The following CCDC88A variants were observed in gnomAD, a reference collection of about 807,000 sequenced individuals.
The protein encoded by CCDC88A is coiled-coil and HOOK domain protein 88A.
In CCDC88A, 54 loss-of-function variants were observed where a neutral mutation model predicts 234.3. That is an observed-to-expected ratio of 0.23 (90% confidence interval 0.19 to 0.29). The LOEUF is 0.29. Ranked by LOEUF, CCDC88A falls within the 10% of genes least tolerant of loss-of-function variation. The probability of loss-of-function intolerance (pLI) is 1.00; values close to 1 mark genes in which losing one functional copy is unlikely to be tolerated. For missense variants in CCDC88A, 1,832 were observed against 2,123.4 expected (o/e 0.86, Z 2.70); for synonymous variants, 753 against 737.8 (o/e 1.02, Z -0.33).
chr2:55,300,459 A>G (rs1680755707), intron 28 of CCDC88A: 2 of 152,526 alleles, frequency 1.3e-5, no homozygotes, highest in African/African-American at 4.8e-5. Flanking sequence ...GTTTGGTGAG[A>G]TATGATTTTC....
rs1679395817 is a variant in CCDC88A at position 55,290,883 on chromosome 2, C to G, written c.*317G>C. ...TGGAGTACTTCTTTAAACACTTAACCTTAAAACACCTGGTCCTTAGTGAGA... is the reference window on the plus strand; with the variant it reads ...TGGAGTACTTCTTTAAACACTTAACGTTAAAACACCTGGTCCTTAGTGAGA... On this transcript the variant is annotated 3_prime_UTR_variant, in exon 33 of 33. Transcript: ENST00000436346. 1 of 152,430 alleles carries G rather than the reference C, an allele frequency of 6.6e-6. No homozygotes were observed. Among genetic ancestry groups the G allele is most frequent in the Non-Finnish European group, 1.5e-5 (1 of 67,932 alleles). 9.4% of individuals were successfully genotyped at this position (152,430 alleles called of 1,614,324 possible). A position where few individuals can be genotyped will look rare whatever the true frequency, so the allele number is the denominator to read the frequency against.
At chr2:55,306,689 G>A (rs186054667) in intron 25 of CCDC88A, among the ~76,000 whole-genome samples, 4 of 152,088 alleles carry the variant, frequency 2.6e-5, no homozygotes, top group African/African-American at 4.8e-5. Flanking sequence ...AGGTTCAAGC[G>A]ATTCTCCTGC....
At chr2:55,291,921 A>G (rs1420443988) in intron 31 of CCDC88A, 146 bp from the exon 32 acceptor site, 8 of 508,098 alleles carry the variant, frequency 1.6e-5, no homozygotes, top group South Asian at 9.2e-5. Context: ...AGGCATCTCA[A>G]TACTTAAAGA....
chr2:55,319,311 G>C (rs1322705583), intron 18 of CCDC88A, among the ~76,000 whole-genome samples: 1 of 152,034 alleles, frequency 6.6e-6, no homozygotes, highest in Non-Finnish European at 1.5e-5. Context: ...AACTAGAAAG[G>C]AATTGTCAGT....
chr2:55,387,769 G>C (rs1574412465), intron 3 of CCDC88A, among the ~76,000 whole-genome samples: 1 of 125,492 alleles, frequency 8.0e-6, no homozygotes, highest in African/African-American at 3.2e-5. Context: ...GTGACAGTGA[G>C]GCTCCATCTC....
At chr2:55,381,552 CA>C (rs5831359) in intron 3 of CCDC88A, among the ~76,000 whole-genome samples, 4,051 of 93,158 alleles carry the variant, frequency 0.043, 45 homozygotes, top group South Asian at 0.076. Flanking sequence ...GACCCTGTCT[CA>C]AAAAAAAAAA....
chr2:55,393,587 C>T (rs2104912357), intron 2 of CCDC88A, among the ~76,000 whole-genome samples: 1 of 152,098 alleles, frequency 6.6e-6, no homozygotes, highest in Admixed American at 6.5e-5. Context: ...AGCCACGATG[C>T]CCAGCCAAAA....
intron 7 of CCDC88A, among the ~76,000 whole-genome samples, chr2:55,360,951 T>C (rs964925163): frequency 6.6e-6 from 1 of 152,142 alleles, no homozygotes; most frequent in Non-Finnish European, 1.5e-5. Flanking sequence ...TAGCCATGCG[T>C]GGTGGCGCGT....
At chr2:55,351,115 C>T (rs1444253262) in intron 8 of CCDC88A, among the ~76,000 whole-genome samples, 4 of 151,834 alleles carry the variant, frequency 2.6e-5, no homozygotes, top group Non-Finnish European at 5.9e-5. Flanking sequence ...TTTTTCTTTT[C>T]TTTTTTAAGA....
At chr2:55,390,513 C>T (rs1676472367) in intron 2 of CCDC88A, among the ~76,000 whole-genome samples, 1 of 152,168 alleles carries the variant, frequency 6.6e-6, no homozygotes, top group South Asian at 2.1e-4. Context: ...TGCAACCAAA[C>T]TGAGCTATTA....
chr2:55,383,206 T>C (rs1674894746), intron 3 of CCDC88A, among the ~76,000 whole-genome samples: 1 of 152,182 alleles, frequency 6.6e-6, no homozygotes, highest in Admixed American at 6.6e-5. Context: ...CTGGGAATCA[T>C]CTTTACAAGA....
rs1376332808 is a variant in CCDC88A, at chr2:55,317,721, G to A, written c.3445C>T (p.Leu1149=). The A allele has an allele frequency of 6.2e-7, 1 of 1,613,440 alleles. No individual in the cohort carries two copies. The highest frequency in any genetic ancestry group is 8.5e-7 in the Non-Finnish European group (1 of 1,179,606). Residue 1149 remains leucine, a synonymous_variant, in exon 20 of 33, where the codon CTA becomes TTA. Coordinates refer to ENST00000436346, the MANE Select transcript of CCDC88A (RefSeq NM_001365480.1). The surrounding 1 kb of genome is among the most constrained non-coding windows in gnomAD (Gnocchi z 4.2). ...ATCAGAGAATCATAGAGAGATTTTA[G>A]GTCTTCTCGCTCTTTGATTACAGAT... is the stretch of plus-strand genomic sequence containing the variant. ...NESVIKERED[L]KSLYDSLIKD... is the part of the protein sequence containing the mutation.
Position 55,290,680 on chromosome 2 carries a change from T to C in CCDC88A, c.*520A>G, listed in dbSNP as rs1289826275. 6.6e-6 allele frequency: 1 copy of C among 152,550 alleles called. No individual in the cohort carries two copies. Among genetic ancestry groups the C allele is most frequent in the Non-Finnish European group, 1.5e-5 (1 of 67,958 alleles). The allele number at this position is 152,550 out of a possible 1,614,324, so 9.4% of individuals were successfully genotyped here. ...CTGCTAACCAAATAAGGCTCTGACA[T>C]GCCAAAACAATTTTCTCTGTATCTT... On this transcript the variant is annotated 3_prime_UTR_variant, in exon 33 of 33. Coordinates refer to ENST00000436346, the MANE Select transcript of CCDC88A (RefSeq NM_001365480.1).
rs1243465280 is a variant in CCDC88A at position 55,317,556 on chromosome 2, T to C, written c.3602+8A>G. On this transcript the variant is annotated splice_region_variant and intron_variant, in intron 20 of 32. Transcript: ENST00000436346. The surrounding 1 kb of genome is among the most constrained non-coding windows in gnomAD (Gnocchi z 4.2). Reference sequence around the variant, plus strand: ...AAATTCACAGTACAACAAAATATAATAAATTACCGGTCTTCAAGGTCTCTA... The same window carrying C: ...AAATTCACAGTACAACAAAATATAACAAATTACCGGTCTTCAAGGTCTCTA... 1 of 1,527,026 alleles carries C rather than the reference T, an allele frequency of 6.5e-7. No homozygotes were observed. Among genetic ancestry groups the C allele is most frequent in the Admixed American group, 2.1e-5 (1 of 48,220 alleles). The allele number at this position is 1,527,026 out of a possible 1,614,324, so 94.6% of individuals were successfully genotyped here.
At chr2:55,395,011 G>A (rs1273665970) in intron 2 of CCDC88A, among the ~76,000 whole-genome samples, 2 of 151,786 alleles carry the variant, frequency 1.3e-5, no homozygotes. Context: ...ACACCTGGCT[G>A]ATTTTTGTAT....
intron 31 of CCDC88A, 196 bp downstream of exon 31, chr2:55,295,401 C>A: frequency 6.5e-7 from 1 of 1,547,016 alleles, no homozygotes; most frequent in Non-Finnish European, 8.7e-7. Flanking sequence ...TGCCAACATT[C>A]CGAATGCATC....
intron 2 of CCDC88A, among the ~76,000 whole-genome samples, chr2:55,400,084 T>C (rs184260271): frequency 6.6e-6 from 1 of 152,272 alleles, no homozygotes; most frequent in East Asian, 1.9e-4. Flanking sequence ...AAAGAGAAAA[T>C]GTAGTCTATT....
At chr2:55,377,965 T>TA (rs1673978385) in intron 3 of CCDC88A, among the ~76,000 whole-genome samples, 1 of 152,212 alleles carries the variant, frequency 6.6e-6, no homozygotes, top group Non-Finnish European at 1.5e-5. Flanking sequence ...TTAAAGATGT[T>TA]AGAGATAAAA....
chr2:55,298,178 G>A (rs545241716), intron 29 of CCDC88A, among the ~76,000 whole-genome samples: 14 of 152,188 alleles, frequency 9.2e-5, no homozygotes, highest in African/African-American at 3.4e-4. Flanking sequence ...AACAGAAAAT[G>A]CAACTTTCCA....
Sources: gnomAD v4.1 joint callset for allele counts (sites outside exome capture counted in the v4.1 genomes callset) on GRCh38, gnomAD v4.1.1 for gene constraint, Gnocchi (gnomAD v3.1) non-coding constraint, MANE v1.5 for transcripts, NCBI Gene and HGNC (gene_info 2026-07-23, HGNC 2026-07-21) for gene names.